The following KCND2 variants were observed in gnomAD, a reference collection of about 807,000 sequenced individuals.
KCND2 encodes the protein A-type voltage-gated potassium channel KCND2.
Under a neutral mutation model 54.4 loss-of-function variants are expected in KCND2, and 16 were observed. The observed-to-expected ratio is 0.29, with a 90% CI of 0.20 to 0.45. The LOEUF is 0.45. Ranked by LOEUF, KCND2 falls within the 20% of genes least tolerant of loss-of-function variation. KCND2 has a pLI of 1.00. For synonymous variants in KCND2, 317 were observed against 310.7 expected, an observed-to-expected ratio of 1.02 and a Z score of -0.21; for missense variants, 486 against 824.2, an observed-to-expected ratio of 0.59 and a Z score of 5.02.
rs1163507215 is a variant in KCND2, at chr7:120,425,541, TACTATTAC to T, written c.1115+149795_1115+149802del. 3.3e-5 allele frequency among the ~76,000 whole-genome samples: 5 copies of T among 152,344 alleles called. No homozygotes were observed. The East Asian group carries it at 9.6e-4, about 29-fold the overall frequency. ...CAGTATCACCCATTTAATTTCCAGCTACTATTACTAAGTACTTCAGCAACTATTTTACT... is the reference window on the plus strand; with the variant it reads ...CAGTATCACCCATTTAATTTCCAGCTTAAGTACTTCAGCAACTATTTTACT... On this transcript the variant is annotated intron_variant, in intron 1 of 5. Coordinates refer to ENST00000331113, the MANE Select transcript of KCND2 (RefSeq NM_012281.3).
intron 1 of KCND2, among the ~76,000 whole-genome samples, chr7:120,556,300 G>C (rs1235511319): frequency 2.6e-5 from 4 of 152,138 alleles, no homozygotes; most frequent in African/African-American, 9.7e-5. Flanking sequence ...AACAATCTTT[G>C]TATTAAGTGT....
chr7:120,319,671 G>T (rs73722565), intron 1 of KCND2, among the ~76,000 whole-genome samples: 1 of 151,784 alleles, frequency 6.6e-6, no homozygotes, highest in Non-Finnish European at 1.5e-5. Context: ...CAAACATTTC[G>T]GAATCATTTC....
intron 1 of KCND2, among the ~76,000 whole-genome samples, chr7:120,584,442 A>G (rs959718298): frequency 3.3e-5 from 5 of 152,246 alleles, no homozygotes; most frequent in Admixed American, 2.6e-4. Context: ...CTGTCTTCAC[A>G]GTGAGAGGAA....
intron 1 of KCND2, among the ~76,000 whole-genome samples, chr7:120,397,991 G>GTATA (rs1392989590): frequency 9.3e-4 from 35 of 37,806 alleles, no homozygotes; most frequent in Non-Finnish European, 1.8e-3. Context: ...GTGTGTGTGT[G>GTATA]TGTGTATATA....
At chr7:120,651,059 T>C (rs2116544712) in intron 1 of KCND2, among the ~76,000 whole-genome samples, 1 of 143,314 alleles carries the variant, frequency 7.0e-6, no homozygotes, top group Admixed American at 6.8e-5. Flanking sequence ...GCTACTTGGG[T>C]GTCAGGGACC....
rs146805852 is a variant in KCND2 at position 120,658,081 on chromosome 7, A to C, written c.1116-74822A>C. On this transcript the variant is annotated intron_variant, in intron 1 of 5. Coordinates refer to ENST00000331113, the MANE Select transcript of KCND2 (RefSeq NM_012281.3). ...TGTATGCTAGTTAACCTAGTAATTAATCCAAATTTCCACCAGAATTTGATT... is the reference window on the plus strand; with the variant it reads ...TGTATGCTAGTTAACCTAGTAATTACTCCAAATTTCCACCAGAATTTGATT... Among the ~76,000 whole-genome samples the C allele has an allele frequency of 2.3e-3, 347 of 152,280 alleles. 1 individual carries two copies. Among genetic ancestry groups the C allele is most frequent in the Middle Eastern group, 0.02 (6 of 294 alleles).
intron 1 of KCND2, among the ~76,000 whole-genome samples, chr7:120,643,906 T>A (rs1052597005): frequency 6.6e-6 from 1 of 150,968 alleles, no homozygotes; most frequent in African/African-American, 2.4e-5. Flanking sequence ...TATATTAATA[T>A]AATAATATTT....
At chr7:120,420,101 A>G (rs1801590621) in intron 1 of KCND2, among the ~76,000 whole-genome samples, 1 of 151,228 alleles carries the variant, frequency 6.6e-6, no homozygotes, top group African/African-American at 2.4e-5. Flanking sequence ...TCTTTTTTTT[A>G]AATGCTGGCA....
chr7:120,744,927 G>A (rs533584533), intron 4 of KCND2, among the ~76,000 whole-genome samples: 13 of 152,206 alleles, frequency 8.5e-5, no homozygotes, highest in African/African-American at 2.9e-4. Context: ...AGGCATTTCA[G>A]GAGGTTTTTT....
At chr7:120,298,961 C>T (rs111332898) in intron 1 of KCND2, among the ~76,000 whole-genome samples, 25 of 152,192 alleles carry the variant, frequency 1.6e-4, no homozygotes, top group African/African-American at 5.5e-4. Context: ...AGTTCGAGAC[C>T]AGCCTGGCCA....
intron 1 of KCND2, among the ~76,000 whole-genome samples, chr7:120,580,390 C>T (rs1170871768): frequency 6.6e-6 from 1 of 152,158 alleles, no homozygotes; most frequent in Non-Finnish European, 1.5e-5. Flanking sequence ...AACCGTCTCT[C>T]CTCTTTTCCC....
intron 1 of KCND2, among the ~76,000 whole-genome samples, chr7:120,617,176 T>G (rs1000869372): frequency 6.6e-6 from 1 of 152,190 alleles, no homozygotes; most frequent in African/African-American, 2.4e-5. Flanking sequence ...GAAACAGAGA[T>G]AGCAAGGTGC....
At chr7:120,557,999 G>T (rs985426261) in intron 1 of KCND2, among the ~76,000 whole-genome samples, 2 of 152,084 alleles carry the variant, frequency 1.3e-5, no homozygotes, top group African/African-American at 4.8e-5. Context: ...CTAACTTTCT[G>T]CAACCTGGCA....
chr7:120,593,140 T>C lies in KCND2; in HGVS notation c.1116-139763T>C, dbSNP rs539681369. Among the ~76,000 whole-genome samples the C allele has an allele frequency of 2.6e-5, 4 of 152,318 alleles. No individual in the cohort carries two copies. In the East Asian group the frequency reaches 7.7e-4, roughly 29 times the overall value. On this transcript the variant is annotated intron_variant, in intron 1 of 5. Coordinates refer to ENST00000331113, the MANE Select transcript of KCND2 (RefSeq NM_012281.3). ...AAAAGGATTCTATGAAAACCCTATT[T>C]CGTTTAGCTCAGCACTAACACAAAA...
chr7:120,614,016 AT>A (rs763691698), intron 1 of KCND2, among the ~76,000 whole-genome samples: 3,962 of 141,254 alleles, frequency 0.028, 107 homozygotes, highest in African/African-American at 0.077. Context: ...TCTTTGTTGG[AT>A]TTTTTTTTTT....
chr7:120,424,990 G>A (rs898200378), intron 1 of KCND2, among the ~76,000 whole-genome samples: 2 of 152,150 alleles, frequency 1.3e-5, no homozygotes, highest in African/African-American at 4.8e-5. Flanking sequence ...TCAAGGAAAA[G>A]TTTACTAAAA....
intron 1 of KCND2, among the ~76,000 whole-genome samples, chr7:120,671,954 C>T (rs1791998259): frequency 6.6e-6 from 1 of 152,082 alleles, no homozygotes; most frequent in South Asian, 2.1e-4. Context: ...CTTATCCCCA[C>T]CCTTTTTCTT....
chr7:120,727,419 A>G (rs1792747082), intron 1 of KCND2, among the ~76,000 whole-genome samples: 1 of 152,240 alleles, frequency 6.6e-6, no homozygotes, highest in Admixed American at 6.5e-5. Context: ...TAGATGGATG[A>G]ATGGATGCAT....
At chr7:120,741,905 TA>T (rs141416667) in intron 3 of KCND2, among the ~76,000 whole-genome samples, 355 of 151,212 alleles carry the variant, frequency 2.3e-3, no homozygotes, top group Non-Finnish European at 3.3e-3. Context: ...ATGGTAAAGG[TA>T]AAAAAAAATG....
Sources: allele counts gnomAD v4.1 joint callset (sites outside exome capture counted in the v4.1 genomes callset), GRCh38; gene constraint gnomAD v4.1.1; transcripts MANE v1.5; gene names NCBI Gene and HGNC (gene_info 2026-07-23, HGNC 2026-07-21).